The following ADGRV1 variants were observed in gnomAD, a reference collection of about 807,000 sequenced individuals.
ADGRV1 encodes the protein G-protein coupled receptor 98.
Under a neutral mutation model 596.2 loss-of-function variants are expected in ADGRV1, and 359 were observed. That is an observed-to-expected ratio of 0.60 (90% confidence interval 0.55 to 0.66). The LOEUF is 0.66. Ranked by LOEUF, ADGRV1 falls within the 30% of genes least tolerant of loss-of-function variation. The pLI, the probability that ADGRV1 is intolerant of heterozygous loss-of-function variation, is 0.00. For missense variants in ADGRV1, 7,274 were observed against 7,575.6 expected (o/e 0.96, Z 1.48); for synonymous variants, 2,681 against 2,679.2 (o/e 1.00, Z -0.02).
At chr5:90,728,565 CTAAA>C (rs1253596035) in intron 48 of ADGRV1, 100 bp from the exon 49 acceptor site, 2 of 954,602 alleles carry the variant, frequency 2.1e-6, no homozygotes, top group African/African-American at 1.6e-5. Context: ...ATCTTTTTAA[CTAAA>C]TAAAAGGATC....
intron 58 of ADGRV1, 42 bp from the exon 59 acceptor site, chr5:90,763,263 G>GTTTTT (rs748905721): frequency 9.2e-7 from 1 of 1,082,378 alleles, no homozygotes; most frequent in South Asian, 2.3e-5. Flanking sequence ...TGCTCTTTTT[G>GTTTTT]TTTTTTTTTT....
intron 50 of ADGRV1, among the ~76,000 whole-genome samples, chr5:90,733,513 A>T (rs1561622807): frequency 6.6e-6 from 1 of 152,154 alleles, no homozygotes; most frequent in South Asian, 2.1e-4. Context: ...CAAATACAGG[A>T]GTCAGTATTT....
intron 33 of ADGRV1, 64 bp from the exon 34 acceptor site, chr5:90,696,873 T>C: frequency 8.3e-7 from 1 of 1,205,062 alleles, no homozygotes; most frequent in Non-Finnish European, 1.2e-6. Flanking sequence ...ATTTTGGGCC[T>C]TTCTGAGTTC....
intron 86 of ADGRV1, among the ~76,000 whole-genome samples, chr5:91,095,967 C>CCCTTTGCTCTAAGCACTTAGATGAACATG: frequency 6.6e-6 from 1 of 150,430 alleles, no homozygotes; most frequent in African/African-American, 2.5e-5. Context: ...TTCACATTGA[C>CCCTTTGCTCTAAGCACTTAGATGAACATG]CAGGCTCATC....
chr5:90,574,282 A>G (rs1756926752), intron 1 of ADGRV1, among the ~76,000 whole-genome samples: 1 of 151,942 alleles, frequency 6.6e-6, no homozygotes, highest in Non-Finnish European at 1.5e-5. Flanking sequence ...GTTTCTTTCA[A>G]TCCATAAGAA....
At chr5:91,094,458 A>G (rs977872535) in intron 86 of ADGRV1, among the ~76,000 whole-genome samples, 1 of 135,914 alleles carries the variant, frequency 7.4e-6, no homozygotes, top group Non-Finnish European at 1.5e-5. Context: ...GAGTCCTTCT[A>G]TGTAAAAAAA....
chr5:90,942,263 A>G (rs1473683808), intron 83 of ADGRV1, among the ~76,000 whole-genome samples: 1 of 152,226 alleles, frequency 6.6e-6, no homozygotes, highest in African/African-American at 2.4e-5. Context: ...TAAACTAACA[A>G]TGCCAGGTAG....
intron 85 of ADGRV1, among the ~76,000 whole-genome samples, chr5:91,016,348 C>G (rs919158439): frequency 6.6e-6 from 1 of 151,868 alleles, no homozygotes; most frequent in Non-Finnish European, 1.5e-5. Flanking sequence ...CACTCTAGCC[C>G]CCATCCTAGT....
At chr5:91,113,649 T>A (rs760132968) in intron 87 of ADGRV1, among the ~76,000 whole-genome samples, 5 of 152,246 alleles carry the variant, frequency 3.3e-5, no homozygotes, top group Non-Finnish European at 7.3e-5. Flanking sequence ...CTGGGTGCAG[T>A]GGCTCATGCC....
At chr5:91,089,957 T>C (rs533053155) in intron 86 of ADGRV1, among the ~76,000 whole-genome samples, 2 of 152,304 alleles carry the variant, frequency 1.3e-5, no homozygotes, top group East Asian at 3.9e-4. Context: ...TAACTGGTAA[T>C]GTAGTTAGAA....
At chr5:90,780,658 A>C (rs1220083430) in intron 64 of ADGRV1, among the ~76,000 whole-genome samples, 2 of 152,052 alleles carry the variant, frequency 1.3e-5, no homozygotes, top group African/African-American at 4.8e-5. Context: ...TAGAAATTGA[A>C]ATACTTTTCT....
rs529515950 is a variant in ADGRV1, at chr5:91,125,882, C to T, written c.18432+23542C>T. On this transcript the variant is annotated intron_variant, in intron 87 of 89. Coordinates refer to ENST00000405460, the MANE Select transcript of ADGRV1 (RefSeq NM_032119.4). ...ATACAGAGGGATCTTATTTCATTGT[C>T]GTCTTCCTTCTACCATGCTATATCC... Among the ~76,000 whole-genome samples the T allele has an allele frequency of 5.9e-5, 9 of 152,274 alleles. 2 individuals are homozygous for T. Among genetic ancestry groups the T allele is most frequent in the African/African-American group, 1.9e-4 (8 of 41,566 alleles).
At chr5:90,815,261 GCT>G (rs1255780920) in intron 74 of ADGRV1, among the ~76,000 whole-genome samples, 3 of 152,144 alleles carry the variant, frequency 2.0e-5, no homozygotes, top group Non-Finnish European at 4.4e-5. Flanking sequence ...AAAAGTTGAT[GCT>G]CTAGTAGGGC....
intron 83 of ADGRV1, among the ~76,000 whole-genome samples, chr5:90,929,980 G>C (rs560649262): frequency 1.3e-5 from 2 of 152,180 alleles, no homozygotes; most frequent in South Asian, 2.1e-4. Context: ...TTTTATAGCA[G>C]ATGAATTTTA....
At chr5:90,590,534 A>G (rs1759353191) in intron 1 of ADGRV1, among the ~76,000 whole-genome samples, 1 of 152,188 alleles carries the variant, frequency 6.6e-6, no homozygotes, top group African/African-American at 2.4e-5. Context: ...CCTCTGGGGC[A>G]GGCATTCCAA....
At chr5:90,799,534 C>T (rs1212917682) in intron 70 of ADGRV1, among the ~76,000 whole-genome samples, 1 of 152,166 alleles carries the variant, frequency 6.6e-6, no homozygotes, top group Non-Finnish European at 1.5e-5. Flanking sequence ...GTGCTATCCC[C>T]ATCAAGCTAC....
At chr5:91,017,594 T>C (rs1234625791) in intron 85 of ADGRV1, among the ~76,000 whole-genome samples, 5 of 151,872 alleles carry the variant, frequency 3.3e-5, no homozygotes, top group African/African-American at 7.3e-5. Flanking sequence ...TCTTGGTAAA[T>C]AGGATTTTAT....
intron 59 of ADGRV1, among the ~76,000 whole-genome samples, chr5:90,768,119 T>C (rs1757334031): frequency 1.3e-5 from 2 of 152,228 alleles, no homozygotes; most frequent in Non-Finnish European, 2.9e-5. Flanking sequence ...AAGGTTTTCT[T>C]GTTTTGAGCA....
intron 83 of ADGRV1, among the ~76,000 whole-genome samples, chr5:90,943,176 G>GC (rs1433260817): frequency 7.0e-6 from 1 of 142,564 alleles, no homozygotes; most frequent in Non-Finnish European, 1.5e-5. Flanking sequence ...CCTGCCTCTA[G>GC]CCAGTGGTGG....
Sources: allele counts gnomAD v4.1 joint callset (sites outside exome capture counted in the v4.1 genomes callset), GRCh38; gene constraint gnomAD v4.1.1; transcripts MANE v1.5; gene names NCBI Gene and HGNC (gene_info 2026-07-23, HGNC 2026-07-21).